ZFYVE1: variants seen among roughly 807,000 people sequenced by gnomAD.
The protein encoded by ZFYVE1 is zinc finger FYVE domain-containing protein 1.
Under a neutral mutation model 74.4 loss-of-function variants are expected in ZFYVE1, and 30 were observed. That is an observed-to-expected ratio of 0.40 (90% CI 0.30 to 0.55). ZFYVE1 has a LOEUF of 0.55. Among genes scored for constraint, ZFYVE1 ranks in the 20% least tolerant of loss-of-function variants. The pLI, the probability that ZFYVE1 is intolerant of heterozygous loss-of-function variation, is 0.42. For synonymous variants in ZFYVE1, 335 were observed against 385.1 expected (o/e 0.87, Z 1.52); for missense variants, 703 against 1,011.6 (o/e 0.69, Z 4.14).
intron 2 of ZFYVE1, among the ~76,000 whole-genome samples, chr14:73,023,356 ATT>A (rs1277057365): frequency 1.6e-5 from 1 of 61,048 alleles, no homozygotes; most frequent in East Asian, 3.9e-4. Flanking sequence ...TATAATATAT[ATT>A]ATATATGTTT....
chr14:73,003,938 A>G (rs1219917453), intron 2 of ZFYVE1, among the ~76,000 whole-genome samples: 1 of 152,132 alleles, frequency 6.6e-6, no homozygotes, highest in East Asian at 1.9e-4. Flanking sequence ...ACAGCTGCTG[A>G]GTGAATGAGT....
At chr14:72,985,652 G>A (rs1893456754) in intron 4 of ZFYVE1, among the ~76,000 whole-genome samples, 1 of 150,544 alleles carries the variant, frequency 6.6e-6, no homozygotes, top group Non-Finnish European at 1.5e-5. Flanking sequence ...AGTATCTAAT[G>A]AGATGATACA....
At chr14:73,022,628 T>C (rs1894340169) in intron 2 of ZFYVE1, among the ~76,000 whole-genome samples, 1 of 152,228 alleles carries the variant, frequency 6.6e-6, no homozygotes, top group Non-Finnish European at 1.5e-5. Context: ...CCCTTGGCTA[T>C]ATAGTGATTG....
rs1893660351 is a variant in ZFYVE1, at chr14:72,993,166, C to G, written c.1180G>C (p.Gly394Arg). ...ACCTTCAGGGCTTTGAAGATGACTCCCGGGTGCCGGGGAGAACGGGTGGTG... is the reference window on the plus strand; with the variant it reads ...ACCTTCAGGGCTTTGAAGATGACTCGCGGGTGCCGGGGAGAACGGGTGGTG... ...NNTTRSPRHPGVIFKALKALS... is the reference protein window; with the variant it reads ...NNTTRSPRHPRVIFKALKALS... Residue 394 changes from glycine (G) to arginine (R), a missense_variant, in exon 4 of 12, where the codon GGA becomes CGA. Gly to Arg is a moderately radical substitution (Grantham distance 125). Coordinates refer to ENST00000556143, the MANE Select transcript of ZFYVE1 (RefSeq NM_021260.4). 6.2e-7 allele frequency: 1 copy of G among 1,610,786 alleles called. No homozygotes were observed. Among genetic ancestry groups the G allele is most frequent in the Non-Finnish European group, 8.5e-7 (1 of 1,177,978 alleles).
chr14:73,000,763 A>T (rs1893852318), intron 2 of ZFYVE1, among the ~76,000 whole-genome samples: 1 of 152,204 alleles, frequency 6.6e-6, no homozygotes, highest in African/African-American at 2.4e-5. Context: ...ACATGTCCAC[A>T]CAAATCTTCT....
chr14:73,013,492 C>T (rs773783391), intron 2 of ZFYVE1, among the ~76,000 whole-genome samples: 29 of 152,010 alleles, frequency 1.9e-4, no homozygotes, highest in Non-Finnish European at 3.7e-4. Context: ...CCTGTAATCC[C>T]AGCTACTTCG....
chr14:73,012,793 T>C (rs911722388), intron 2 of ZFYVE1, among the ~76,000 whole-genome samples: 1 of 152,184 alleles, frequency 6.6e-6, no homozygotes, highest in Non-Finnish European at 1.5e-5. Context: ...AAGCATGCAA[T>C]TGACAATTCA....
In ZFYVE1 at chr14:72,974,808, T is replaced by G; in HGVS notation, c.1958A>C (p.Asn653Thr). The G allele has an allele frequency of 6.2e-7, 1 of 1,605,324 alleles. No individual in the cohort carries two copies. Among genetic ancestry groups the G allele is most frequent in the Non-Finnish European group, 8.5e-7 (1 of 1,173,204 alleles). Reference sequence around the variant, plus strand: ...CTGGACGTTCCTGGCTTCGTAGCAGTTGTCACAGACCCGCACTGGCGCAGG... The same window carrying G: ...CTGGACGTTCCTGGCTTCGTAGCAGGTGTCACAGACCCGCACTGGCGCAGG... ...WGPAPVRVCD[N>T]CYEARNVQLA... The change falls in exon 10 of 12, where the codon AAC (asparagine) becomes ACC (threonine). Residue 653 changes from asparagine to threonine, a missense_variant. Around this residue, in one of 2 missense-constraint regions of ZFYVE1, gnomAD observed 492 missense variants for 790.0 expected, o/e 0.62. Transcript: ENST00000556143.
At chr14:73,010,798 CACAAA>C (rs1894075365) in intron 2 of ZFYVE1, among the ~76,000 whole-genome samples, 1 of 135,250 alleles carries the variant, frequency 7.4e-6, no homozygotes, top group Non-Finnish European at 1.6e-5. Context: ...AAAAACCACA[CACAAA>C]ACAAAAAAAA....
At position 72,970,574 on chromosome 14, in the gene ZFYVE1, C is replaced by G. The variant is rs972772542; in HGVS notation, c.*308G>C. The G allele has an allele frequency of 3.0e-6, 1 of 338,190 alleles. No homozygotes were observed. The highest frequency in any genetic ancestry group is 2.1e-5 in the African/African-American group (1 of 48,128). The allele number at this position is 338,190 out of a possible 1,614,324, so 20.9% of individuals were successfully genotyped here. A position where few individuals can be genotyped will look rare whatever the true frequency, so the allele number is the denominator to read the frequency against. On this transcript the variant is annotated 3_prime_UTR_variant, in exon 12 of 12. Transcript: ENST00000556143. ...AGCCAGCAGCAGCCTCGATACGCCC[C>G]GAGTGCCTTTCATATGTATATATGA...
chr14:72,982,388 A>G (rs1405929650), intron 4 of ZFYVE1, among the ~76,000 whole-genome samples: 1 of 149,694 alleles, frequency 6.7e-6, no homozygotes, highest in Non-Finnish European at 1.5e-5. Context: ...AAATGTCACC[A>G]GAAAAAAAAA....
chr14:73,019,339 G>T (rs543635097), intron 2 of ZFYVE1, among the ~76,000 whole-genome samples: 1 of 152,028 alleles, frequency 6.6e-6, no homozygotes, highest in South Asian at 2.1e-4. Context: ...TCAGCTACTT[G>T]GGAGGCTGTA....
In ZFYVE1 at chr14:72,975,350, C is replaced by T. The variant is rs1366609805; in HGVS notation, c.1806+201G>A. 55 of 640,366 alleles carry T rather than the reference C, an allele frequency of 8.6e-5. No homozygotes were observed. The highest frequency in any genetic ancestry group is 1.2e-4 in the Non-Finnish European group (47 of 388,312). 39.7% of individuals were successfully genotyped at this position (640,366 alleles called of 1,614,324 possible). The stretch of plus-strand genomic sequence containing the variant: ...AAACTCACCAAACAGAAAATACTTG[C>T]AGGAAAACACGAAGGGAAATCAATG... On this transcript the variant is annotated intron_variant, in intron 9 of 11. Transcript: ENST00000556143. This position sits in a 1 kb window ranked among gnomAD's most constrained non-coding sequence, Gnocchi z 4.1.
At chr14:73,002,833 C>T (rs1476158274) in intron 2 of ZFYVE1, among the ~76,000 whole-genome samples, 1 of 151,394 alleles carries the variant, frequency 6.6e-6, no homozygotes, top group Non-Finnish European at 1.5e-5. Context: ...GCTCCACCTC[C>T]CAGGTTCACG....
intron 2 of ZFYVE1, among the ~76,000 whole-genome samples, chr14:73,014,702 A>G (rs898340843): frequency 6.6e-6 from 1 of 152,220 alleles, no homozygotes; most frequent in African/African-American, 2.4e-5. Flanking sequence ...CAACAATTTG[A>G]AAGATTATGA....
chr14:73,024,597 C>CA lies in ZFYVE1; in HGVS notation c.-90dup. On this transcript the variant is annotated 5_prime_UTR_variant, in exon 2 of 12. Transcript: ENST00000556143. ...GACGAAGATTTGAGTCTGAAGACTGCACGAAACTTCCACAGGGTTCTGAAC... is the reference window on the plus strand; with the variant it reads ...GACGAAGATTTGAGTCTGAAGACTGCAACGAAACTTCCACAGGGTTCTGAAC... 1.3e-6 allele frequency: 2 copies of CA among 1,495,798 alleles called. No individual in the cohort carries two copies. The allele number at this position is 1,495,798 out of a possible 1,614,324, so 92.7% of individuals were successfully genotyped here. A position where few individuals can be genotyped will look rare whatever the true frequency, so the allele number is the denominator to read the frequency against.
chr14:72,982,853 T>G (rs1893372213), intron 4 of ZFYVE1, among the ~76,000 whole-genome samples: 1 of 152,182 alleles, frequency 6.6e-6, no homozygotes. Context: ...AGAACTTTTT[T>G]TTTTTTTGAG....
Position 72,971,100 on chromosome 14 carries a change from C to T in ZFYVE1, c.2116G>A (p.Ala706Thr). 2 of 1,614,118 alleles carry T rather than the reference C, an allele frequency of 1.2e-6. No individual in the cohort carries two copies. Among genetic ancestry groups the T allele is most frequent in the Non-Finnish European group, 1.7e-6 (2 of 1,180,038 alleles). ...IDIPLGLVKDAARPAYWVPDH... is the reference protein window; with the variant it reads ...IDIPLGLVKDTARPAYWVPDH... ...GGCACCCAGTACGCAGGCCTGGCCG[C>T]GTCCTTTACCAGACCTAAGGCAGGG... Residue 706 changes from alanine (A) to threonine (T), a missense_variant, in exon 12 of 12, where the codon GCG becomes ACG. By Grantham distance (58) the Ala-to-Thr change is moderately conservative. Transcript: ENST00000556143.
At chr14:72,991,777 C>T (rs1365918150) in intron 4 of ZFYVE1, among the ~76,000 whole-genome samples, 1 of 152,168 alleles carries the variant, frequency 6.6e-6, no homozygotes, top group Non-Finnish European at 1.5e-5. Flanking sequence ...CAAATGTAAT[C>T]ATTTTCAATA....
Sources: allele counts gnomAD v4.1 joint callset (sites outside exome capture counted in the v4.1 genomes callset), GRCh38; gene constraint gnomAD v4.1.1; regional missense constraint gnomAD v4.1.1; non-coding constraint Gnocchi (gnomAD v3.1); transcripts MANE v1.5; gene names NCBI Gene and HGNC (gene_info 2026-07-23, HGNC 2026-07-21).